CLSTN1: variants seen among roughly 807,000 people sequenced by gnomAD.
CLSTN1 encodes calsyntenin-1.
CLSTN1 carries 28 observed loss-of-function variants against 108.3 expected under a neutral mutation model. That is an observed-to-expected ratio of 0.26 (90% CI 0.19 to 0.35). The LOEUF (loss-of-function observed/expected upper bound fraction) is 0.35, where lower values mean the gene tolerates loss of function less well. CLSTN1 is among the 10% of genes least tolerant of loss of function. CLSTN1 has a pLI of 1.00. For missense variants in CLSTN1, 1,157 were observed against 1,302.6 expected, an observed-to-expected ratio of 0.89 and a Z score of 1.72; for synonymous variants, 524 against 534.9, an observed-to-expected ratio of 0.98 and a Z score of 0.28.
intron 7 of CLSTN1, among the ~76,000 whole-genome samples, chr1:9,746,302 T>G (rs1055041775): frequency 1.3e-5 from 2 of 152,156 alleles, no homozygotes; most frequent in African/African-American, 4.8e-5. Context: ...TTAAAAAAAT[T>G]TTTTTTTGTC....
intron 2 of CLSTN1, among the ~76,000 whole-genome samples, chr1:9,772,140 CTTTT>C (rs57522417): frequency 6.6e-3 from 203 of 30,936 alleles, no homozygotes; most frequent in Middle Eastern, 0.026. Flanking sequence ...CCACACCCGG[CTTTT>C]TTTTTTTTTT....
At chr1:9,745,228 CAA>C (rs58703418) in intron 7 of CLSTN1, among the ~76,000 whole-genome samples, 22,563 of 109,498 alleles carry the variant, frequency 0.21, 2,545 homozygotes, top group African/African-American at 0.46. Context: ...GACTCCGTCT[CAA>C]AAAAAAAAAA....
In CLSTN1 at chr1:9,741,222, T is replaced by C. The variant is rs777836577; in HGVS notation, c.1391A>G (p.Asn464Ser). ...CDEEWHHYVL[N>S]VEFPSVTLYV... ...GAGAGTCACACTCGGGAATTCTACA[T>C]TGAGGACGTAGTGGTGCCATTCCTC... The change falls in exon 10 of 19, where the codon AAT becomes AGT. Residue 464 changes from asparagine to serine, a missense_variant. Asn to Ser is a conservative substitution (Grantham distance 46). Transcript: ENST00000377298. 3.1e-6 allele frequency: 5 copies of C among 1,613,812 alleles called. No individual in the cohort carries two copies. Among genetic ancestry groups the C allele is most frequent in the Non-Finnish European group, 2.5e-6 (3 of 1,179,788 alleles).
chr1:9,735,744 CG>C (rs1387320437), intron 12 of CLSTN1, 129 bp from the exon 13 acceptor site: 1 of 1,495,606 alleles, frequency 6.7e-7, no homozygotes, highest in Admixed American at 2.0e-5. Context: ...AAGAAAAGCT[CG>C]TTTAAGTCCA....
chr1:9,816,439 G>A (rs1654973219), intron 1 of CLSTN1, among the ~76,000 whole-genome samples: 2 of 151,752 alleles, frequency 1.3e-5, no homozygotes, highest in Admixed American at 1.3e-4. Flanking sequence ...TAGTGGTGAT[G>A]GTTGTGCAAC....
intron 1 of CLSTN1, among the ~76,000 whole-genome samples, chr1:9,784,324 A>T (rs1653383478): frequency 6.6e-6 from 1 of 151,596 alleles, no homozygotes; most frequent in Non-Finnish European, 1.5e-5. Context: ...GGCCTGGGTG[A>T]CAAAGCGAGA....
chr1:9,741,335 C>A, intron 9 of CLSTN1, 79 bp from the exon 10 acceptor site: 3 of 1,380,618 alleles, frequency 2.2e-6, no homozygotes, highest in Non-Finnish European at 3.0e-6. Context: ...CCAAGTCACC[C>A]AACACAAGGG....
chr1:9,774,249 A>G (rs1316669391), intron 1 of CLSTN1, among the ~76,000 whole-genome samples: 1 of 152,040 alleles, frequency 6.6e-6, no homozygotes, highest in African/African-American at 2.4e-5. Context: ...AAAACCCACC[A>G]CTTGACTGAA....
intron 1 of CLSTN1, among the ~76,000 whole-genome samples, chr1:9,785,447 C>T (rs1050570956): frequency 2.0e-5 from 3 of 152,110 alleles, no homozygotes; most frequent in Non-Finnish European, 4.4e-5. Flanking sequence ...GATTGAAACA[C>T]CAAATACATA....
chr1:9,736,370 T>G (rs1300673639), intron 11 of CLSTN1, among the ~76,000 whole-genome samples: 1 of 151,928 alleles, frequency 6.6e-6, no homozygotes, highest in Non-Finnish European at 1.5e-5. Flanking sequence ...TGGTGACACT[T>G]CCTACGCCAC....
At chr1:9,787,101 G>A (rs561095123) in intron 1 of CLSTN1, among the ~76,000 whole-genome samples, 35 of 151,222 alleles carry the variant, frequency 2.3e-4, no homozygotes, top group African/African-American at 8.4e-4. Context: ...TAGAGTCTAG[G>A]TATCTCCCGC....
intron 1 of CLSTN1, among the ~76,000 whole-genome samples, chr1:9,776,984 G>C (rs1652984832): frequency 6.6e-6 from 1 of 151,902 alleles, no homozygotes; most frequent in African/African-American, 2.4e-5. Context: ...TTGGGAGGCT[G>C]GCCACACAGA....
chr1:9,822,562 C>T (rs1019226897), intron 1 of CLSTN1, among the ~76,000 whole-genome samples: 3 of 152,154 alleles, frequency 2.0e-5, no homozygotes, highest in African/African-American at 4.8e-5. Flanking sequence ...ATCAGAACAA[C>T]AGATTTAAGC....
intron 2 of CLSTN1, among the ~76,000 whole-genome samples, chr1:9,770,535 C>T (rs1652622256): frequency 6.6e-6 from 1 of 152,248 alleles, no homozygotes; most frequent in Non-Finnish European, 1.5e-5. Flanking sequence ...CCCCGACCAG[C>T]TACACGCCCA....
chr1:9,787,984 G>A (rs1446382340), intron 1 of CLSTN1, among the ~76,000 whole-genome samples: 1 of 151,406 alleles, frequency 6.6e-6, no homozygotes, highest in African/African-American at 2.4e-5. Flanking sequence ...GTCCGGCGTG[G>A]TGGCTCAAAC....
intron 2 of CLSTN1, among the ~76,000 whole-genome samples, chr1:9,770,903 A>T (rs1652642413): frequency 6.6e-6 from 1 of 151,994 alleles, no homozygotes; most frequent in Non-Finnish European, 1.5e-5. Flanking sequence ...TGAGGCAGGA[A>T]AATTGCTTGA....
chr1:9,804,700 G>A (rs1654432362), intron 1 of CLSTN1, among the ~76,000 whole-genome samples: 1 of 152,020 alleles, frequency 6.6e-6, no homozygotes, highest in Admixed American at 6.6e-5. Context: ...CAAAATTTCA[G>A]GCAGGCATGT....
At chr1:9,814,337 T>G (rs537598854) in intron 1 of CLSTN1, among the ~76,000 whole-genome samples, 1 of 151,682 alleles carries the variant, frequency 6.6e-6, no homozygotes, top group South Asian at 2.1e-4. Flanking sequence ...GCTTGAACCT[T>G]GGGAGGACGG....
intron 1 of CLSTN1, among the ~76,000 whole-genome samples, chr1:9,802,341 G>A (rs1207442459): frequency 6.6e-6 from 1 of 152,220 alleles, no homozygotes; most frequent in Non-Finnish European, 1.5e-5. Context: ...ACACTGTGAA[G>A]AGGATCCTAC....
Sources: gnomAD v4.1 joint callset for allele counts (sites outside exome capture counted in the v4.1 genomes callset) on GRCh38, gnomAD v4.1.1 for gene constraint, MANE v1.5 for transcripts, NCBI Gene and HGNC (gene_info 2026-07-23, HGNC 2026-07-21) for gene names.